Variants in RPRD2 observed in about 807,000 individuals in gnomAD.
RPRD2 encodes regulation of nuclear pre-mRNA domain containing 2, also known as regulation of nuclear pre-mRNA domain-containing protein 2.
A neutral mutation model predicts 104.4 loss-of-function variants in RPRD2; 12 were observed. That is an observed-to-expected ratio of 0.11 (90% CI 0.07 to 0.19). RPRD2 has a LOEUF of 0.19. Ranked by LOEUF, RPRD2 falls within the 10% of genes least tolerant of loss-of-function variation. RPRD2 has a pLI of 1.00. For missense variants in RPRD2, 1,543 were observed against 1,790.1 expected (o/e 0.86, Z 2.49); for synonymous variants, 714 against 684.9 (o/e 1.04, Z -0.66).
chr1:150,412,472 G>A (rs1004015312), intron 1 of RPRD2, among the ~76,000 whole-genome samples: 1 of 152,098 alleles, frequency 6.6e-6, no homozygotes, highest in East Asian at 1.9e-4. Context: ...TCCTATGGAT[G>A]AGTAGAAAAC....
intron 1 of RPRD2, among the ~76,000 whole-genome samples, chr1:150,391,352 A>C (rs1314868431): frequency 6.6e-6 from 1 of 152,108 alleles, no homozygotes; most frequent in Non-Finnish European, 1.5e-5. Flanking sequence ...TAAGGGTCTC[A>C]TGTGTTGCCC....
chr1:150,448,348 T>A (rs1666935029), intron 7 of RPRD2, among the ~76,000 whole-genome samples: 1 of 152,112 alleles, frequency 6.6e-6, no homozygotes, highest in Non-Finnish European at 1.5e-5. Context: ...TTTGGTTTTT[T>A]AGTAGAGACA....
intron 1 of RPRD2, among the ~76,000 whole-genome samples, chr1:150,395,614 C>T (rs1553884062): frequency 1.3e-5 from 2 of 150,072 alleles, no homozygotes; most frequent in African/African-American, 4.9e-5. Context: ...CGTGTTCAAG[C>T]AGTTCTGCTG....
intron 10 of RPRD2, among the ~76,000 whole-genome samples, chr1:150,467,260 A>G (rs1286669492): frequency 3.3e-5 from 5 of 152,190 alleles, no homozygotes; most frequent in African/African-American, 4.8e-5. Context: ...CACAGCCCCT[A>G]TCTATTGGCA....
At chr1:150,470,538 C>T in intron 10 of RPRD2, 23 bp from the exon 11 acceptor site, 1 of 1,595,130 alleles carries the variant, frequency 6.3e-7, no homozygotes, top group Non-Finnish European at 8.5e-7. Flanking sequence ...TCTTTTTAAC[C>T]CCTCTAATCT....
chr1:150,443,629 A>G (rs587598078), intron 5 of RPRD2, among the ~76,000 whole-genome samples: 1 of 152,334 alleles, frequency 6.6e-6, no homozygotes, highest in African/African-American at 2.4e-5. Context: ...TAGAGAGGCT[A>G]TATAAATGGA....
intron 1 of RPRD2, among the ~76,000 whole-genome samples, chr1:150,401,699 A>C (rs113304911): frequency 0.086 from 12,907 of 150,164 alleles, 665 homozygotes; most frequent in African/African-American, 0.11. Flanking sequence ...GCTGGAGTGC[A>C]GTGGCGCAAT....
chr1:150,383,084 C>T (rs782561352), intron 1 of RPRD2, among the ~76,000 whole-genome samples: 5 of 151,936 alleles, frequency 3.3e-5, no homozygotes, highest in Non-Finnish European at 4.4e-5. Context: ...CCTTGACATC[C>T]CGGACTCAGT....
At chr1:150,402,693 G>A (rs587725440) in intron 1 of RPRD2, among the ~76,000 whole-genome samples, 24 of 146,064 alleles carry the variant, frequency 1.6e-4, no homozygotes, top group African/African-American at 5.1e-4. Context: ...TCAGCCGGGC[G>A]CGGTGGCTCA....
chr1:150,395,462 A>T (rs1386211858), intron 1 of RPRD2, among the ~76,000 whole-genome samples: 2 of 147,544 alleles, frequency 1.4e-5, no homozygotes, highest in Non-Finnish European at 3.0e-5. Context: ...GGTTGATTTC[A>T]CGTTTTTGCA....
intron 7 of RPRD2, among the ~76,000 whole-genome samples, chr1:150,447,219 G>A (rs973829459): frequency 6.6e-6 from 1 of 151,910 alleles, no homozygotes; most frequent in Admixed American, 6.6e-5. Context: ...GCCTCCCAAA[G>A]TGCTGGGATT....
In RPRD2 at chr1:150,446,241, A is replaced by G. The variant is rs781984588; in HGVS notation, c.710A>G (p.Lys237Arg). 4.4e-6 allele frequency: 7 copies of G among 1,584,796 alleles called. No individual in the cohort carries two copies. Among genetic ancestry groups the G allele is most frequent in the South Asian group, 3.5e-5 (3 of 85,818 alleles). Reference sequence around the variant, plus strand: ...GTCATTTTAGATAAAACAGGTGGGAAGAAGTTCTCCAAAGAATTTGAAGAG... The same window carrying G: ...GTCATTTTAGATAAAACAGGTGGGAGGAAGTTCTCCAAAGAATTTGAAGAG... ...LKCLKDKTGG[K>R]KFSKEFEEAS... The change falls in exon 7 of 11, where the codon AAG (lysine) becomes AGG (arginine). Residue 237 changes from lysine (K) to arginine (R), a missense_variant. By Grantham distance (26) the Lys-to-Arg change is conservative. Coordinates refer to ENST00000369068, the MANE Select transcript of RPRD2 (RefSeq NM_015203.5).
chr1:150,460,502 C>T (rs1290871642), intron 9 of RPRD2, among the ~76,000 whole-genome samples, 185 bp downstream of exon 9: 1 of 151,970 alleles, frequency 6.6e-6, no homozygotes, highest in Non-Finnish European at 1.5e-5. Context: ...CTCCCGGGTT[C>T]AAGTGTTCTG....
intron 7 of RPRD2, among the ~76,000 whole-genome samples, chr1:150,447,899 TC>T (rs1666897014): frequency 6.6e-6 from 1 of 152,204 alleles, no homozygotes; most frequent in Non-Finnish European, 1.5e-5. Flanking sequence ...TCTTGATTTA[TC>T]CTATTTTAGA....
At chr1:150,443,774 G>C (rs1472633780) in intron 5 of RPRD2, among the ~76,000 whole-genome samples, 1 of 152,060 alleles carries the variant, frequency 6.6e-6, no homozygotes, top group Non-Finnish European at 1.5e-5. Context: ...GGGAGGCCGA[G>C]GTGGGCGGAT....
At position 150,437,864 on chromosome 1, in the gene RPRD2, G is replaced by A. The variant is rs1401660376; in HGVS notation, c.336-3059G>A. On this transcript the variant is annotated intron_variant, in intron 2 of 10. Transcript: ENST00000369068. ...CAAAGTGCTAGAACTGCAGGCGTGA[G>A]CCACCGTGCCCAGCCTAAACTTTAC... 4.0e-5 allele frequency among the ~76,000 whole-genome samples: 6 copies of A among 151,676 alleles called. No homozygotes were observed. The East Asian group carries it at 9.7e-4, about 25-fold the overall frequency.
At chr1:150,402,369 A>C (rs1256026270) in intron 1 of RPRD2, among the ~76,000 whole-genome samples, 1 of 152,172 alleles carries the variant, frequency 6.6e-6, no homozygotes, top group Admixed American at 6.5e-5. Context: ...TGTCAGCTTT[A>C]TTTATCATAT....
At chr1:150,446,527 T>C (rs997898818) in intron 7 of RPRD2, 126 bp downstream of exon 7, 29 of 821,708 alleles carry the variant, frequency 3.5e-5, no homozygotes, top group Non-Finnish European at 5.1e-5. Flanking sequence ...GAAATTACTT[T>C]TGGGATAGGT....
chr1:150,467,415 C>T (rs1668349872), intron 10 of RPRD2, among the ~76,000 whole-genome samples: 1 of 151,896 alleles, frequency 6.6e-6, no homozygotes, highest in South Asian at 2.1e-4. Flanking sequence ...GCTCTGTTGC[C>T]CAGGCTGGAG....
Sources: allele counts gnomAD v4.1 joint callset (sites outside exome capture counted in the v4.1 genomes callset), GRCh38; gene constraint gnomAD v4.1.1; transcripts MANE v1.5; gene names NCBI Gene and HGNC (gene_info 2026-07-23, HGNC 2026-07-21).